The following HPN variants were observed in gnomAD, a reference collection of about 807,000 sequenced individuals.
HPN encodes the protein serine protease hepsin.
In HPN, 13 loss-of-function variants were observed where a neutral mutation model predicts 55.9. The ratio of observed to expected loss-of-function variants is 0.23; its 90% CI spans 0.15 to 0.37. The LOEUF is 0.37. Among genes scored for constraint, HPN ranks in the 10% least tolerant of loss-of-function variants. HPN has a pLI of 1.00. For missense variants in HPN, 451 were observed against 575.8 expected (o/e 0.78, Z 2.22); for synonymous variants, 225 against 240.3 (o/e 0.94, Z 0.59).
At chr19:35,064,318 G>GTCTCTCTCTCTCTCTCTCTTTCT (rs2064573049) in intron 9 of HPN, among the ~76,000 whole-genome samples, 1 of 150,284 alleles carries the variant, frequency 6.7e-6, no homozygotes, top group Admixed American at 6.6e-5. Context: ...AGATAGGAGT[G>GTCTCTCTCTCTCTCTCTCTTTCT]TCTCTCTCTC....
intron 2 of HPN, among the ~76,000 whole-genome samples, chr19:35,043,442 G>A (rs2064313360): frequency 6.6e-6 from 1 of 152,178 alleles, no homozygotes; most frequent in Non-Finnish European, 1.5e-5. Context: ...GCTCAGTCCT[G>A]GGCAGTAGCA....
At chr19:35,044,581 A>G (rs1027208651) in intron 2 of HPN, among the ~76,000 whole-genome samples, 2 of 151,970 alleles carry the variant, frequency 1.3e-5, no homozygotes, top group Admixed American at 1.3e-4. Flanking sequence ...TCTAACTTGT[A>G]TTTTACAAGT....
Position 35,065,939 on chromosome 19 carries a change from TG to T in HPN, c.1123del (p.Val375Ter). The T allele has an allele frequency of 6.2e-7, 1 of 1,613,986 alleles. No individual in the cohort carries two copies. Among genetic ancestry groups the T allele is most frequent in the Non-Finnish European group, 8.5e-7 (1 of 1,180,020 alleles). On this transcript the variant is annotated frameshift_variant, in exon 12 of 13. Transcript: ENST00000672452. LOFTEE classifies it high-confidence loss of function. The stretch of plus-strand genomic sequence containing the variant: ...CGCCACGTTGGCGGCTGTGTGGCAT[TG>T]TGAGTTGGGGCACTGGCTGTGCCCT... ...RTPRWRLCGIVSWGTGCALAQ... is the reference protein window; with the variant it reads ...RTPRWRLCGIXSWGTGCALAQ...
intron 12 of HPN, 94 bp from the exon 13 acceptor site, chr19:35,066,155 C>A: frequency 6.2e-7 from 1 of 1,613,222 alleles, no homozygotes; most frequent in Non-Finnish European, 8.5e-7. Flanking sequence ...CCCTTGGGAA[C>A]AGATGGACTT....
intron 2 of HPN, among the ~76,000 whole-genome samples, chr19:35,044,267 T>C (rs1283175480): frequency 6.6e-6 from 1 of 152,166 alleles, no homozygotes; most frequent in African/African-American, 2.4e-5. Context: ...GGCTTCTTGG[T>C]GCTGCCTGGA....
rs1279020083 is a variant in HPN, at chr19:35,060,426, C to G, written c.534C>G (p.Val178=). Residue 178 remains valine (V), a synonymous_variant, in exon 8 of 13, where the codon GTC becomes GTG. Coordinates refer to ENST00000672452, the MANE Select transcript of HPN (RefSeq NM_001384133.1). The part of the protein sequence containing the change: ...DTSLGRWPWQ[V]SLRYDGAHLC... ...GCTTGGGCCGGTGGCCGTGGCAAGT[C>G]AGCCTTCGCTATGATGGAGCACACC... is the stretch of plus-strand genomic sequence containing the variant. 6.2e-7 allele frequency: 1 copy of G among 1,613,190 alleles called. No homozygotes were observed. The highest frequency in any genetic ancestry group is 8.5e-7 in the Non-Finnish European group (1 of 1,179,986).
chr19:35,064,712 A>G (rs1347301930), intron 9 of HPN, among the ~76,000 whole-genome samples: 1 of 152,158 alleles, frequency 6.6e-6, no homozygotes, highest in Non-Finnish European at 1.5e-5. Flanking sequence ...AAATGGGATA[A>G]TATAGACCCT....
intron 4 of HPN, among the ~76,000 whole-genome samples, chr19:35,054,752 C>G (rs765242539): frequency 3.9e-5 from 6 of 152,138 alleles, no homozygotes; most frequent in African/African-American, 1.2e-4. Flanking sequence ...GGATGATCTT[C>G]GTGGCTCCTG....
At chr19:35,065,217 G>C in intron 9 of HPN, 33 bp from the exon 10 acceptor site, 1 of 1,534,310 alleles carries the variant, frequency 6.5e-7, no homozygotes, top group Non-Finnish European at 9.0e-7. Context: ...GGGCAGGCCA[G>C]CGGGGGCTGG....
chr19:35,041,628 C>A (rs1012859543), upstream of HPN: 16 of 1,155,480 alleles, frequency 1.4e-5, no homozygotes, highest in African/African-American at 1.7e-5. Context: ...CAAGCCCGGC[C>A]CCATCAGCCA....
chr19:35,055,606 C>T (rs1455523837), intron 4 of HPN, among the ~76,000 whole-genome samples: 1 of 152,040 alleles, frequency 6.6e-6, no homozygotes, highest in Non-Finnish European at 1.5e-5. Flanking sequence ...ACCTACAGAA[C>T]CTCTCCAAAA....
At chr19:35,050,558 C>T (rs951608402) in intron 4 of HPN, 3 of 1,272,352 alleles carry the variant, frequency 2.4e-6, no homozygotes, top group African/African-American at 3.1e-5. Flanking sequence ...TGAATGGCCA[C>T]ACAAATAAAT....
intron 4 of HPN, among the ~76,000 whole-genome samples, chr19:35,057,933 C>T (rs1216195440): frequency 1.3e-5 from 2 of 151,938 alleles, no homozygotes; most frequent in African/African-American, 4.8e-5. Flanking sequence ...GGCAGATCAC[C>T]TGAGGTCAGG....
At chr19:35,054,224 C>T (rs1022901577) in intron 4 of HPN, among the ~76,000 whole-genome samples, 10 of 152,130 alleles carry the variant, frequency 6.6e-5, no homozygotes, top group African/African-American at 2.4e-4. Context: ...TTGAGACCAG[C>T]CTGGCCAACA....
upstream of HPN, among the ~76,000 whole-genome samples, chr19:35,041,136 GC>G (rs1263004788): frequency 4.6e-5 from 7 of 152,290 alleles, no homozygotes; most frequent in East Asian, 1.4e-3. Flanking sequence ...TCCCGGCCAA[GC>G]CCCCCATCCC....
At position 35,060,670 on chromosome 19, in the gene HPN, G is replaced by T. The variant is rs141619716; in HGVS notation, c.664G>T (p.Val222Leu). Residue 222 changes from valine to leucine, a missense_variant, in exon 9 of 13, where the codon GTG becomes TTG. Around this residue, in one of 2 missense-constraint regions of HPN, gnomAD observed 378 missense variants for 445.5 expected, o/e 0.85. Transcript: ENST00000672452. ...CCGATGGCGAGTGTTTGCCGGTGCC[G>T]TGGCCCAGGCCTCTCCCCACGGTCT... ...LSRWRVFAGA[V>L]AQASPHGLQL... 1.5e-4 allele frequency: 246 copies of T among 1,614,028 alleles called. No homozygotes were observed. The highest frequency in any genetic ancestry group is 1.8e-4 in the Non-Finnish European group (214 of 1,180,048).
At position 35,065,592 on chromosome 19, in the gene HPN, G is replaced by A. The variant is rs1395296858; in HGVS notation, c.961G>A (p.Val321Ile). The A allele has an allele frequency of 3.1e-6, 5 of 1,614,076 alleles. No individual in the cohort carries two copies. Among genetic ancestry groups the A allele is most frequent in the Non-Finnish European group, 4.2e-6 (5 of 1,180,030 alleles). ...EARVPIISND[V>I]CNGADFYGNQ... ...TCGAGTCCCCATAATCAGCAATGATGTCTGCAATGGCGCTGACTTCTATGG... is the reference window on the plus strand; with the variant it reads ...TCGAGTCCCCATAATCAGCAATGATATCTGCAATGGCGCTGACTTCTATGG... The change falls in exon 11 of 13, where the codon GTC becomes ATC. Residue 321 changes from valine to isoleucine, a missense_variant. By Grantham distance (29) the Val-to-Ile change is conservative. This residue lies in a region of HPN where 378 missense variants were observed against 445.5 expected (regional missense o/e 0.85). Coordinates refer to ENST00000672452, the MANE Select transcript of HPN (RefSeq NM_001384133.1).
intron 4 of HPN, 72 bp downstream of exon 4, chr19:35,049,588 CG>C (rs1280926319): frequency 7.4e-7 from 1 of 1,343,764 alleles, no homozygotes; most frequent in African/African-American, 1.4e-5. Flanking sequence ...GCTCAACAAG[CG>C]TATTTGTTGA....
rs1351109310 is a variant in HPN at position 35,042,501 on chromosome 19, A to G, written c.-6A>G. 1.2e-6 allele frequency: 2 copies of G among 1,609,544 alleles called. No homozygotes were observed. The highest frequency in any genetic ancestry group is 1.7e-6 in the Non-Finnish European group (2 of 1,178,220). ...AGCCAGGGAATCATTAACAAGAGGC[A>G]GTGACATGGCGCAGAAGGAGGGTGA... On this transcript the variant is annotated 5_prime_UTR_variant, in exon 2 of 13. Coordinates refer to ENST00000672452, the MANE Select transcript of HPN (RefSeq NM_001384133.1).
Sources: allele counts gnomAD v4.1 joint callset (sites outside exome capture counted in the v4.1 genomes callset), GRCh38; gene constraint gnomAD v4.1.1; regional missense constraint gnomAD v4.1.1; transcripts MANE v1.5; gene names NCBI Gene and HGNC (gene_info 2026-07-23, HGNC 2026-07-21).